SLC25A21: variants seen among roughly 807,000 people sequenced by gnomAD.
SLC25A21 encodes the protein mitochondrial 2-oxodicarboxylate carrier.
A neutral mutation model predicts 43.8 loss-of-function variants in SLC25A21; 47 were observed. The observed-to-expected ratio is 1.07, with a 90% CI of 0.85 to 1.37. The LOEUF is 1.37. Ranked by LOEUF, SLC25A21 falls within the 40% of genes most tolerant of loss-of-function variation. The pLI is 0.00. For synonymous variants in SLC25A21, 131 were observed against 121.3 expected, an observed-to-expected ratio of 1.08 and a Z score of -0.52; for missense variants, 352 against 350.2, an observed-to-expected ratio of 1.00 and a Z score of -0.04.
intron 1 of SLC25A21, among the ~76,000 whole-genome samples, chr14:36,878,891 A>G (rs2138563148): frequency 6.6e-6 from 1 of 152,206 alleles, no homozygotes; most frequent in East Asian, 1.9e-4. Flanking sequence ...AATCTCCCCT[A>G]CTCATTCATG....
chr14:36,757,002 CT>C, intron 3 of SLC25A21, among the ~76,000 whole-genome samples: 1 of 151,340 alleles, frequency 6.6e-6, no homozygotes. Flanking sequence ...GCCTGTAATC[CT>C]GGCACTTTGG....
At chr14:36,695,186 G>A (rs577215086) in intron 7 of SLC25A21, among the ~76,000 whole-genome samples, 39 of 152,222 alleles carry the variant, frequency 2.6e-4, no homozygotes, top group African/African-American at 9.4e-4. Context: ...CCCATTTCTT[G>A]TTTTTGTCAG....
intron 1 of SLC25A21, among the ~76,000 whole-genome samples, chr14:37,059,642 G>A (rs1394894480): frequency 6.6e-6 from 1 of 152,132 alleles, no homozygotes. Context: ...AGACTTTTGA[G>A]TGTTTACTGC....
At chr14:36,771,850 G>C (rs745506361) in intron 3 of SLC25A21, among the ~76,000 whole-genome samples, 1 of 151,568 alleles carries the variant, frequency 6.6e-6, no homozygotes, top group Non-Finnish European at 1.5e-5. Flanking sequence ...GAATACATCT[G>C]AGCTTTACAA....
At chr14:37,038,743 T>C (rs1961380925) in intron 1 of SLC25A21, among the ~76,000 whole-genome samples, 1 of 152,176 alleles carries the variant, frequency 6.6e-6, no homozygotes, top group South Asian at 2.1e-4. Flanking sequence ...TCTGCTTTAG[T>C]TGTTAGGGGT....
chr14:37,149,037 C>T (rs1404045037), intron 1 of SLC25A21, among the ~76,000 whole-genome samples: 1 of 152,180 alleles, frequency 6.6e-6, no homozygotes, highest in Non-Finnish European at 1.5e-5. Context: ...TCCCTAAATG[C>T]TGGAATTACA....
chr14:36,985,817 T>G (rs1479152087), intron 1 of SLC25A21, among the ~76,000 whole-genome samples: 1 of 152,210 alleles, frequency 6.6e-6, no homozygotes, highest in East Asian at 1.9e-4. Context: ...CTTATTTGTA[T>G]CAGAGAGAAC....
intron 2 of SLC25A21, among the ~76,000 whole-genome samples, chr14:36,870,145 C>T (rs1594654727): frequency 3.9e-5 from 6 of 151,990 alleles, no homozygotes; most frequent in South Asian, 4.2e-4. Flanking sequence ...ATCAATAATG[C>T]GACAGATGTA....
intron 6 of SLC25A21, among the ~76,000 whole-genome samples, chr14:36,713,311 A>G (rs781379218): frequency 2.0e-5 from 3 of 152,164 alleles, no homozygotes; most frequent in Non-Finnish European, 4.4e-5. Context: ...AGGATGACTA[A>G]ACTAAGGATT....
At chr14:36,789,252 G>A (rs1887357831) in intron 3 of SLC25A21, among the ~76,000 whole-genome samples, 1 of 152,104 alleles carries the variant, frequency 6.6e-6, no homozygotes, top group South Asian at 2.1e-4. Flanking sequence ...AAATGAACAG[G>A]AGGAGTCATT....
chr14:36,680,542 C>A lies in SLC25A21; in HGVS notation c.*116G>T, dbSNP rs1594480611. On this transcript the variant is annotated 3_prime_UTR_variant, in exon 10 of 10. Coordinates refer to ENST00000331299, the MANE Select transcript of SLC25A21 (RefSeq NM_030631.4). ...TTAAAGTATTAAAATAGATTTTGTTCTTGAACAGTTTTCTCCTTCATAATT... is the reference window on the plus strand; with the variant it reads ...TTAAAGTATTAAAATAGATTTTGTTATTGAACAGTTTTCTCCTTCATAATT... 2.2e-6 allele frequency: 3 copies of A among 1,387,876 alleles called. No individual in the cohort carries two copies. The East Asian group carries it at 7.8e-5, about 36-fold the overall frequency. 86.0% of individuals were successfully genotyped at this position (1,387,876 alleles called of 1,614,324 possible).
At chr14:36,805,518 A>C (rs1219504549) in intron 3 of SLC25A21, among the ~76,000 whole-genome samples, 1 of 152,154 alleles carries the variant, frequency 6.6e-6, no homozygotes, top group Non-Finnish European at 1.5e-5. Context: ...CTGGGGAGGA[A>C]CTGTTACTTT....
intron 6 of SLC25A21, among the ~76,000 whole-genome samples, chr14:36,716,670 A>G (rs1271401392): frequency 6.6e-6 from 1 of 152,180 alleles, no homozygotes; most frequent in Admixed American, 6.5e-5. Context: ...AATCACTGAG[A>G]TGACCTGTGG....
At chr14:37,038,394 C>T (rs1478086158) in intron 1 of SLC25A21, among the ~76,000 whole-genome samples, 1 of 152,112 alleles carries the variant, frequency 6.6e-6, no homozygotes, top group Non-Finnish European at 1.5e-5. Flanking sequence ...TCTGAAAGTC[C>T]TCTCCCCTTT....
intron 3 of SLC25A21, among the ~76,000 whole-genome samples, chr14:36,765,717 T>C (rs1426863589): frequency 6.6e-6 from 1 of 152,224 alleles, no homozygotes; most frequent in Non-Finnish European, 1.5e-5. Context: ...CGTGTATGTT[T>C]CAAAGGATCT....
chr14:36,783,501 G>T (rs896911917), intron 3 of SLC25A21, among the ~76,000 whole-genome samples: 1 of 152,054 alleles, frequency 6.6e-6, no homozygotes, highest in Non-Finnish European at 1.5e-5. Flanking sequence ...GTATTCTGGT[G>T]GGGGGCAAGA....
At chr14:37,091,083 T>G (rs1005803410) in intron 1 of SLC25A21, among the ~76,000 whole-genome samples, 1 of 152,202 alleles carries the variant, frequency 6.6e-6, no homozygotes, top group Non-Finnish European at 1.5e-5. Context: ...AACTCAAGCC[T>G]GAACAAAGCT....
intron 3 of SLC25A21, among the ~76,000 whole-genome samples, chr14:36,772,042 A>G (rs1028361284): frequency 2.6e-5 from 4 of 152,112 alleles, no homozygotes; most frequent in Admixed American, 6.5e-5. Context: ...CGAACAGGAA[A>G]GTTTGCCAAA....
chr14:36,897,550 T>C (rs1363233421), intron 1 of SLC25A21, among the ~76,000 whole-genome samples: 1 of 152,248 alleles, frequency 6.6e-6, no homozygotes, highest in African/African-American at 2.4e-5. Context: ...AAAGTCATTC[T>C]ACGTCCAGCT....
Sources: gnomAD v4.1 joint callset for allele counts (sites outside exome capture counted in the v4.1 genomes callset) on GRCh38, gnomAD v4.1.1 for gene constraint, MANE v1.5 for transcripts, NCBI Gene and HGNC (gene_info 2026-07-23, HGNC 2026-07-21) for gene names.